Variants in COL4A3 observed in about 807,000 individuals in gnomAD.
The protein encoded by COL4A3 is collagen alpha-3(IV) chain.
Under a neutral mutation model 217.4 loss-of-function variants are expected in COL4A3, and 135 were observed. That is an observed-to-expected ratio of 0.62 (90% CI 0.54 to 0.72). The LOEUF (loss-of-function observed/expected upper bound fraction) is 0.72, where lower values mean the gene tolerates loss of function less well. Ranked by LOEUF, COL4A3 falls within the 30% of genes least tolerant of loss-of-function variation. The pLI is 0.00. For synonymous variants in COL4A3, 690 were observed against 736.3 expected, an observed-to-expected ratio of 0.94 and a Z score of 1.02; for missense variants, 1,868 against 2,119.9, an observed-to-expected ratio of 0.88 and a Z score of 2.33.
At chr2:227,307,247 G>A (rs2073545438) in intron 47 of COL4A3, among the ~76,000 whole-genome samples, 1 of 152,090 alleles carries the variant, frequency 6.6e-6, no homozygotes, top group African/African-American at 2.4e-5. Context: ...AGCTTTCAAT[G>A]TTTTCTGCAA....
chr2:227,199,174 G>C (rs1277216340), intron 1 of COL4A3, among the ~76,000 whole-genome samples: 2 of 152,138 alleles, frequency 1.3e-5, no homozygotes, highest in Non-Finnish European at 2.9e-5. Context: ...GCATGGCAAG[G>C]GGCCTTTGAG....
In COL4A3 at chr2:227,253,775, A is replaced by G; in HGVS notation, c.765+137A>G. On this transcript the variant is annotated intron_variant, in intron 13 of 51. Coordinates refer to ENST00000396578, the MANE Select transcript of COL4A3 (RefSeq NM_000091.5). This position sits in a 1 kb window ranked among gnomAD's most constrained non-coding sequence, Gnocchi z 4.4. ...GCTCCCTCAGCCAGCCAGAACCTCCAGGATTGATTCCTTCCCGTCCTTTAC... is the reference window on the plus strand; with the variant it reads ...GCTCCCTCAGCCAGCCAGAACCTCCGGGATTGATTCCTTCCCGTCCTTTAC... The G allele has an allele frequency of 2.5e-6, 2 of 811,090 alleles. No homozygotes were observed. The highest frequency in any genetic ancestry group is 4.4e-6 in the Non-Finnish European group (2 of 459,320). 50.2% of individuals were successfully genotyped at this position (811,090 alleles called of 1,614,324 possible). A position where few individuals can be genotyped will look rare whatever the true frequency, so the allele number is the denominator to read the frequency against.
In COL4A3 at chr2:227,311,844, C is replaced by G. The variant is rs1303148556; in HGVS notation, c.4987C>G (p.Gln1663Glu). The change falls in exon 52 of 52, where the codon CAG becomes GAG. Residue 1663 changes from glutamine (Q) to glutamate (E), a missense_variant. Coordinates refer to ENST00000396578, the MANE Select transcript of COL4A3 (RefSeq NM_000091.5). Reference protein sequence around the residue: ...GELEKIISRCQVCMKKRH With the variant: ...GELEKIISRCEVCMKKRH The stretch of plus-strand genomic sequence containing the variant: ...ATTAGAAAAAATAATAAGTCGCTGT[C>G]AGGTGTGCATGAAGAAAAGACACTG... The G allele has an allele frequency of 6.2e-7, 1 of 1,613,930 alleles. No homozygotes were observed. Among genetic ancestry groups the G allele is most frequent in the Non-Finnish European group, 8.5e-7 (1 of 1,179,884 alleles).
rs116133488 is a variant in COL4A3 at position 227,294,950 on chromosome 2, T to G, written c.3419-14T>G. 61,739 of 1,601,764 alleles carry G rather than the reference T, an allele frequency of 0.039. 1,048 individuals carry two copies. The highest frequency in any genetic ancestry group is 0.095 in the African/African-American group (7,062 of 74,336). ...CATAGTTTGGGGTTTTTGGGTTTTT[T>G]TTTTTTTTTTCAGGTCTTCCAGGAT... is the stretch of plus-strand genomic sequence containing the variant. On this transcript the variant is annotated splice_polypyrimidine_tract_variant and intron_variant, in intron 39 of 51. Coordinates refer to ENST00000396578, the MANE Select transcript of COL4A3 (RefSeq NM_000091.5).
rs2065134369 is a variant in COL4A3, at chr2:227,164,644, C to T, written c.-83C>T. ...GAGGCGAGCTTTCCAGCCGGGCTCC[C>T]AGAGCCGCGCTGCGCAGGAGACGCG... On this transcript the variant is annotated 5_prime_UTR_variant, in exon 1 of 52. Coordinates refer to ENST00000396578, the MANE Select transcript of COL4A3 (RefSeq NM_000091.5). This position sits in a 1 kb window ranked among gnomAD's most constrained non-coding sequence, Gnocchi z 4.8. The T allele has an allele frequency of 6.6e-7, 1 of 1,523,730 alleles. No individual in the cohort carries two copies. The highest frequency in any genetic ancestry group is 8.8e-7 in the Non-Finnish European group (1 of 1,140,040). The allele number at this position is 1,523,730 out of a possible 1,614,324, so 94.4% of individuals were successfully genotyped here. A position where few individuals can be genotyped will look rare whatever the true frequency, so the allele number is the denominator to read the frequency against.
chr2:227,202,787 CAT>C (rs1177164284), intron 1 of COL4A3, among the ~76,000 whole-genome samples: 6 of 117,266 alleles, frequency 5.1e-5, no homozygotes, highest in African/African-American at 1.2e-4. Flanking sequence ...TATATATACA[CAT>C]GTGTATATAT....
At chr2:227,199,250 C>T (rs2066594163) in intron 1 of COL4A3, among the ~76,000 whole-genome samples, 1 of 152,182 alleles carries the variant, frequency 6.6e-6, no homozygotes, top group African/African-American at 2.4e-5. Context: ...ATTGCAACCT[C>T]AGTAGTTTTA....
chr2:227,183,179 A>G (rs1326089979), intron 1 of COL4A3, among the ~76,000 whole-genome samples: 1 of 152,164 alleles, frequency 6.6e-6, no homozygotes, highest in Non-Finnish European at 1.5e-5. Flanking sequence ...TTTTGTTTCT[A>G]AAATCAGAAT....
In COL4A3 at chr2:227,237,993, A is replaced by G. The variant is rs774982255; in HGVS notation, c.113A>G (p.Gln38Arg). ...GGTTGTGTCTGTAAAGACAAAGGCCAGTGCTTCTGTGACGGGGCCAAAGGG... is the reference window on the plus strand; with the variant it reads ...GGTTGTGTCTGTAAAGACAAAGGCCGGTGCTTCTGTGACGGGGCCAAAGGG... ...SKGCVCKDKG[Q>R]CFCDGAKGEK... Residue 38 changes from glutamine (Q) to arginine (R), a missense_variant, in exon 2 of 52, where the codon CAG (glutamine) becomes CGG (arginine). Coordinates refer to ENST00000396578, the MANE Select transcript of COL4A3 (RefSeq NM_000091.5). 4.8e-5 allele frequency: 78 copies of G among 1,610,708 alleles called. No individual in the cohort carries two copies. The highest frequency in any genetic ancestry group is 6.0e-5 in the Non-Finnish European group (71 of 1,177,212).
chr2:227,257,118 C>A (rs552636481), intron 17 of COL4A3, among the ~76,000 whole-genome samples: 3 of 152,326 alleles, frequency 2.0e-5, no homozygotes, highest in African/African-American at 7.2e-5. Flanking sequence ...ATCACTGACC[C>A]AAACATTGTC....
chr2:227,247,917 C>T (rs1169591226), intron 8 of COL4A3, among the ~76,000 whole-genome samples: 3 of 152,062 alleles, frequency 2.0e-5, no homozygotes, highest in Non-Finnish European at 2.9e-5. Context: ...TTTATTACCC[C>T]TGCGTCTTTC....
chr2:227,173,310 C>T (rs1420961520), intron 1 of COL4A3, among the ~76,000 whole-genome samples: 2 of 152,152 alleles, frequency 1.3e-5, no homozygotes, highest in Non-Finnish European at 2.9e-5. Context: ...CTCTTCCTAG[C>T]ATAAAGGATT....
intron 20 of COL4A3, among the ~76,000 whole-genome samples, chr2:227,262,118 A>G (rs938157890): frequency 1.3e-5 from 2 of 152,208 alleles, no homozygotes; most frequent in African/African-American, 2.4e-5. Context: ...GTATACTATA[A>G]TTTCACTATT....
At chr2:227,195,826 G>A (rs1489455808) in intron 1 of COL4A3, among the ~76,000 whole-genome samples, 20 of 151,726 alleles carry the variant, frequency 1.3e-4, no homozygotes, top group Admixed American at 1.3e-3. Context: ...TGCAACAAGA[G>A]GTGGAGATGG....
In COL4A3 at chr2:227,164,759, G is replaced by A; in HGVS notation, c.33G>A (p.Val11=). MSARTAPRPQ[V]LLLPLLLVLL... The stretch of plus-strand genomic sequence containing the variant: ...CCCGGACCGCCCCCAGGCCGCAGGT[G>A]CTCCTGCTGCCGCTCCTGCTGGTGC... Residue 11 remains valine (V), a synonymous_variant, in exon 1 of 52, where the codon GTG becomes GTA. Coordinates refer to ENST00000396578, the MANE Select transcript of COL4A3 (RefSeq NM_000091.5). The surrounding 1 kb of genome is among the most constrained non-coding windows in gnomAD (Gnocchi z 4.8). The A allele has an allele frequency of 6.6e-7, 1 of 1,524,012 alleles. No homozygotes were observed. Among genetic ancestry groups the A allele is most frequent in the Non-Finnish European group, 8.7e-7 (1 of 1,143,048 alleles). The allele number at this position is 1,524,012 out of a possible 1,614,324, so 94.4% of individuals were successfully genotyped here.
intron 1 of COL4A3, among the ~76,000 whole-genome samples, chr2:227,229,894 A>G (rs2068300132): frequency 6.6e-6 from 1 of 150,410 alleles, no homozygotes. Flanking sequence ...TAAAAAAAAT[A>G]CAAAAAATTA....
intron 1 of COL4A3, among the ~76,000 whole-genome samples, chr2:227,180,224 A>G (rs1011062507): frequency 6.6e-6 from 1 of 152,230 alleles, no homozygotes; most frequent in Non-Finnish European, 1.5e-5. Flanking sequence ...CCAAAAAGCA[A>G]TAAAAACTGA....
At chr2:227,201,919 TA>T (rs1352314500) in intron 1 of COL4A3, among the ~76,000 whole-genome samples, 15 of 152,212 alleles carry the variant, frequency 9.9e-5, no homozygotes, top group Non-Finnish European at 1.8e-4. Context: ...TGGAATGATG[TA>T]TTATTAACTA....
rs748674919 is a variant in COL4A3, at chr2:227,304,011, G to C, written c.4028-8G>C. 6.2e-7 allele frequency: 1 copy of C among 1,614,200 alleles called. No homozygotes were observed. Among genetic ancestry groups the C allele is most frequent in the Non-Finnish European group, 8.5e-7 (1 of 1,180,032 alleles). On this transcript the variant is annotated splice_region_variant and splice_polypyrimidine_tract_variant and intron_variant, in intron 45 of 51. Transcript: ENST00000396578. ...GCCATCATCTTCTTCTTATGTTTATGTCAACAGGTGTACGTGGAGACCCTG... is the reference window on the plus strand; with the variant it reads ...GCCATCATCTTCTTCTTATGTTTATCTCAACAGGTGTACGTGGAGACCCTG...
Sources: gnomAD v4.1 joint callset for allele counts (sites outside exome capture counted in the v4.1 genomes callset) on GRCh38, gnomAD v4.1.1 for gene constraint, Gnocchi (gnomAD v3.1) non-coding constraint, MANE v1.5 for transcripts, NCBI Gene and HGNC (gene_info 2026-07-23, HGNC 2026-07-21) for gene names.